LHPP: variants seen among roughly 807,000 people sequenced by gnomAD.
LHPP encodes hLHPP.
A neutral mutation model predicts 30.3 loss-of-function variants in LHPP; 24 were observed. The observed-to-expected ratio is 0.79, with a 90% CI of 0.57 to 1.11. The LOEUF (loss-of-function observed/expected upper bound fraction) is 1.11, where lower values mean the gene tolerates loss of function less well. LHPP is among the 50% of genes most tolerant of loss of function. The probability of loss-of-function intolerance (pLI) is 0.00; values close to 1 mark genes in which losing one functional copy is unlikely to be tolerated. For synonymous variants in LHPP, 150 were observed against 157.1 expected (o/e 0.95, Z 0.34); for missense variants, 356 against 367.2 (o/e 0.97, Z 0.25).
chr10:124,603,049 C>T (rs10901780), intron 6 of LHPP, among the ~76,000 whole-genome samples: 28,605 of 126,250 alleles, frequency 0.23, 3,030 homozygotes, highest in East Asian at 0.33. Context: ...GGGAGGGGTA[C>T]TGGGGCTGGG....
intron 1 of LHPP, among the ~76,000 whole-genome samples, chr10:124,469,649 T>G (rs1034131884): frequency 5.9e-5 from 9 of 152,148 alleles, no homozygotes; most frequent in Non-Finnish European, 1.3e-4. Context: ...TTTTTTATTT[T>G]TTTTTCATTC....
intron 2 of LHPP, among the ~76,000 whole-genome samples, chr10:124,486,841 G>A (rs144227318): frequency 2.6e-5 from 4 of 152,346 alleles, no homozygotes; most frequent in East Asian, 1.9e-4. Context: ...AGCAGGGCCC[G>A]AGGCCTTGAG....
intron 6 of LHPP, among the ~76,000 whole-genome samples, chr10:124,522,991 C>T (rs568626998): frequency 6.6e-6 from 1 of 152,254 alleles, no homozygotes; most frequent in South Asian, 2.1e-4. Context: ...GAAACCAGGC[C>T]GTGTGGCCTC....
chr10:124,592,747 A>C lies in LHPP; in HGVS notation c.717-20517A>C, dbSNP rs547330741. Among the ~76,000 whole-genome samples, 1 of 152,346 alleles carries C rather than the reference A, an allele frequency of 6.6e-6. No individual in the cohort carries two copies. Among genetic ancestry groups the C allele is most frequent in the South Asian group, 2.1e-4 (1 of 4,828 alleles). On this transcript the variant is annotated intron_variant, in intron 6 of 6. Transcript: ENST00000368842. This position sits in a 1 kb window ranked among gnomAD's most constrained non-coding sequence, Gnocchi z 6.2. ...ACCAGGGTCTGAGGAAAAGCAAAGC[A>C]GTGTTGACAGAGTGTCCTGGAGGGC... is the stretch of plus-strand genomic sequence containing the variant.
At chr10:124,528,141 G>A (rs1364928183) in intron 6 of LHPP, among the ~76,000 whole-genome samples, 2 of 152,140 alleles carry the variant, frequency 1.3e-5, no homozygotes, top group Non-Finnish European at 2.9e-5. Context: ...ACAGGGGAGG[G>A]TTAAGCTCGG....
chr10:124,534,650 C>T (rs1281574467), intron 6 of LHPP, among the ~76,000 whole-genome samples: 1 of 152,220 alleles, frequency 6.6e-6, no homozygotes, highest in Non-Finnish European at 1.5e-5. Flanking sequence ...GTGAGGCCCC[C>T]GGGAGACAGG....
intron 6 of LHPP, among the ~76,000 whole-genome samples, chr10:124,570,927 C>T (rs527285456): frequency 6.6e-6 from 1 of 152,182 alleles, no homozygotes; most frequent in Non-Finnish European, 1.5e-5. Context: ...ACCCAAATCT[C>T]GTCTCGAATT....
At chr10:124,531,085 A>G (rs1412391827) in intron 6 of LHPP, among the ~76,000 whole-genome samples, 2 of 152,176 alleles carry the variant, frequency 1.3e-5, no homozygotes, top group African/African-American at 4.8e-5. Flanking sequence ...GCCTTTATGC[A>G]TGCTGTCTGC....
At chr10:124,539,732 T>C (rs1955134067) in intron 6 of LHPP, among the ~76,000 whole-genome samples, 1 of 35,818 alleles carries the variant, frequency 2.8e-5, no homozygotes, top group Non-Finnish European at 5.5e-5. Flanking sequence ...CAAAACCCTG[T>C]CTCAAAAAAA....
intron 6 of LHPP, among the ~76,000 whole-genome samples, chr10:124,600,586 G>A (rs774804125): frequency 6.6e-6 from 1 of 152,366 alleles, no homozygotes; most frequent in South Asian, 2.1e-4. Context: ...CTCACGCAGT[G>A]GGGCCTCCCC....
intron 2 of LHPP, among the ~76,000 whole-genome samples, chr10:124,486,940 T>A (rs770858368): frequency 3.9e-5 from 6 of 152,246 alleles, no homozygotes; most frequent in Non-Finnish European, 8.8e-5. Flanking sequence ...TTTTTTGGAA[T>A]GTACAGGGTT....
Position 124,611,467 on chromosome 10 carries a change from G to A in LHPP, c.717-1797G>A, listed in dbSNP as rs925915128. Among the ~76,000 whole-genome samples the A allele has an allele frequency of 2.0e-5, 3 of 151,998 alleles. No homozygotes were observed. In the East Asian group the frequency reaches 5.8e-4, roughly 29 times the overall value. On this transcript the variant is annotated intron_variant, in intron 6 of 6. Transcript: ENST00000368842. The stretch of plus-strand genomic sequence containing the variant: ...CGGAGACTGTGCAGGAGGGGAAGCG[G>A]CCGTAGCCCCATACAAGCAGGTGGG...
chr10:124,504,858 G>C (rs1322946032), intron 5 of LHPP, among the ~76,000 whole-genome samples: 1 of 152,276 alleles, frequency 6.6e-6, no homozygotes, highest in East Asian at 1.9e-4. Flanking sequence ...TGGGGGTCTG[G>C]TGAATCTGGG....
intron 1 of LHPP, among the ~76,000 whole-genome samples, chr10:124,469,596 CA>C: frequency 6.6e-6 from 1 of 152,082 alleles, no homozygotes; most frequent in Non-Finnish European, 1.5e-5. Context: ...GCCGAGCCCT[CA>C]TTAAAGATGC....
intron 6 of LHPP, among the ~76,000 whole-genome samples, chr10:124,552,301 G>A (rs34328971): frequency 0.066 from 10,007 of 152,176 alleles, 674 homozygotes; most frequent in East Asian, 0.27. Flanking sequence ...ACTTGACCAA[G>A]GTCATCCCAG....
In LHPP at chr10:124,533,077, T is replaced by C. The variant is rs12220487; in HGVS notation, c.716+15806T>C. Among the ~76,000 whole-genome samples, 11 of 152,326 alleles carry C rather than the reference T, an allele frequency of 7.2e-5. No homozygotes were observed. In the East Asian group the frequency reaches 2.1e-3, roughly 29 times the overall value. On this transcript the variant is annotated intron_variant, in intron 6 of 6. Coordinates refer to ENST00000368842, the MANE Select transcript of LHPP (RefSeq NM_022126.4). ...ACCTTTATTACAGGAGCTCCATTAA[T>C]ACATGGCTGCAGGAGGTAGTTCAGG...
intron 5 of LHPP, among the ~76,000 whole-genome samples, chr10:124,504,783 C>T (rs1206914231): frequency 6.6e-6 from 1 of 152,140 alleles, no homozygotes; most frequent in Admixed American, 6.5e-5. Context: ...GTTATTTTCA[C>T]AGTCAGCTTC....
rs12359530 is a variant in LHPP at position 124,541,818 on chromosome 10, C to T, written c.716+24547C>T. ...GGAGACCAGAGTGGAGTGGGCTGGG[C>T]GGGCCAGGCCCCGGCCCAGATGGGG... On this transcript the variant is annotated intron_variant, in intron 6 of 6. Coordinates refer to ENST00000368842, the MANE Select transcript of LHPP (RefSeq NM_022126.4). This position sits in a 1 kb window ranked among gnomAD's most constrained non-coding sequence, Gnocchi z 4.2. Among the ~76,000 whole-genome samples, 8,807 of 152,120 alleles carry T rather than the reference C, an allele frequency of 0.058. 369 individuals are homozygous for T. The highest frequency in any genetic ancestry group is 0.19 in the East Asian group (984 of 5,126).
intron 2 of LHPP, among the ~76,000 whole-genome samples, chr10:124,486,737 A>C (rs911266076): frequency 6.6e-6 from 1 of 152,244 alleles, no homozygotes; most frequent in Admixed American, 6.5e-5. Context: ...ACAGAGTCCA[A>C]ACTGATACAG....
Sources: gnomAD v4.1 joint callset for allele counts (sites outside exome capture counted in the v4.1 genomes callset) on GRCh38, gnomAD v4.1.1 for gene constraint, Gnocchi (gnomAD v3.1) non-coding constraint, MANE v1.5 for transcripts, NCBI Gene and HGNC (gene_info 2026-07-23, HGNC 2026-07-21) for gene names.